RNF17: variants seen among roughly 807,000 people sequenced by gnomAD.
RNF17 encodes ring finger protein 17.
In RNF17, 31 loss-of-function variants were observed where a neutral mutation model predicts 200.5. The observed-to-expected ratio is 0.15, with a 90% CI of 0.12 to 0.21. The LOEUF (loss-of-function observed/expected upper bound fraction) is 0.21. Among genes scored for constraint, RNF17 ranks in the 10% least tolerant of loss-of-function variants. RNF17 has a pLI of 1.00. For missense variants in RNF17, 1,628 were observed against 1,905.1 expected (o/e 0.85, Z 2.71); for synonymous variants, 606 against 637.8 (o/e 0.95, Z 0.75).
At chr13:24,853,257 CTT>C (rs1892134560) in intron 24 of RNF17, among the ~76,000 whole-genome samples, 1 of 152,156 alleles carries the variant, frequency 6.6e-6, no homozygotes, top group Non-Finnish European at 1.5e-5. Flanking sequence ...GAAAAAGAAA[CTT>C]GCTATAATTC....
the RNF17 span, chr13:24,885,338 C>G: frequency 1.9e-6 from 3 of 1,613,972 alleles, no homozygotes; most frequent in East Asian, 6.7e-5. Context: ...TCTTTATATT[C>G]AGGATCTGGG....
intron 11 of RNF17, among the ~76,000 whole-genome samples, chr13:24,797,702 A>T (rs867019280): frequency 4.4e-5 from 1 of 22,762 alleles, no homozygotes; most frequent in African/African-American, 1.5e-4. Context: ...GAGAGAGACA[A>T]AGAGTGTGTG....
intron 22 of RNF17, among the ~76,000 whole-genome samples, chr13:24,845,430 C>G (rs559956706): frequency 6.6e-6 from 1 of 152,274 alleles, no homozygotes; most frequent in South Asian, 2.1e-4. Flanking sequence ...AATGACAGAA[C>G]AGTTTTAGTC....
intron 28 of RNF17, 113 bp from the exon 29 acceptor site, chr13:24,864,760 A>G: frequency 1.3e-6 from 1 of 757,950 alleles, no homozygotes; most frequent in Non-Finnish European, 2.1e-6. Flanking sequence ...TCACTAGCCA[A>G]ACTGTCTAGT....
chr13:24,754,173 A>T, the RNF17 span, among the ~76,000 whole-genome samples: 77 of 152,018 alleles, frequency 5.1e-4, no homozygotes, highest in Non-Finnish European at 8.8e-4. Context: ...AAATTAAAAA[A>T]AAAATAAAAT....
rs1891052735 is a variant in RNF17, at chr13:24,844,701, G to A, written c.2881G>A (p.Val961Ile). 6.2e-7 allele frequency: 1 copy of A among 1,611,706 alleles called. No individual in the cohort carries two copies. Among genetic ancestry groups the A allele is most frequent in the South Asian group, 1.1e-5 (1 of 90,896 alleles). ...AAYENSKWEP[V>I]KWENDMHCAV... is the part of the protein sequence containing the mutation. ...TTATGAAAACTCAAAATGGGAACCT[G>A]TTAAATGGGAAAATGATATGCACTG... Residue 961 changes from valine to isoleucine, a missense_variant, in exon 21 of 36, where the codon GTT (valine) becomes ATT (isoleucine). Transcript: ENST00000255324.
chr13:24,807,189 G>A (rs1006057460), intron 15 of RNF17, among the ~76,000 whole-genome samples: 1 of 151,864 alleles, frequency 6.6e-6, no homozygotes, highest in South Asian at 2.1e-4. Flanking sequence ...GGGTCAAATG[G>A]TATTTCTAGT....
rs1387937401 is a variant in RNF17, at chr13:24,799,720, T to C, written c.1589+136T>C. ...AACTTCCAAGACATACGTTTTATTA[T>C]TTTGCTCTACTGTTGTCTTGATAAG... is the stretch of plus-strand genomic sequence containing the variant. On this transcript the variant is annotated intron_variant, in intron 12 of 35. Coordinates refer to ENST00000255324, the MANE Select transcript of RNF17 (RefSeq NM_031277.3). 25 of 608,324 alleles carry C rather than the reference T, an allele frequency of 4.1e-5. No homozygotes were observed. The South Asian group carries it at 5.3e-4, about 13-fold the overall frequency. The allele number at this position is 608,324 out of a possible 1,614,324, so 37.7% of individuals were successfully genotyped here.
At chr13:24,830,252 A>G (rs1282734452) in intron 16 of RNF17, among the ~76,000 whole-genome samples, 1 of 152,086 alleles carries the variant, frequency 6.6e-6, no homozygotes, top group East Asian at 1.9e-4. Flanking sequence ...TGTTATCCTG[A>G]TTTTGGCTAT....
At position 24,858,575 on chromosome 13, in the gene RNF17, G is replaced by GATATATATATATATAT. The variant is rs397770900; in HGVS notation, c.3611-423_3611-408dup. Among the ~76,000 whole-genome samples, 1,139 of 143,152 alleles carry GATATATATATATATAT rather than the reference G, an allele frequency of 8.0e-3. 42 individuals carry two copies. The highest frequency in any genetic ancestry group is 0.058 in the Admixed American group (792 of 13,724). 93.9% of individuals were successfully genotyped at this position (143,152 alleles called of 152,430 possible). A position where few individuals can be genotyped will look rare whatever the true frequency, so the allele number is the denominator to read the frequency against. On this transcript the variant is annotated intron_variant, in intron 25 of 35. Coordinates refer to ENST00000255324, the MANE Select transcript of RNF17 (RefSeq NM_031277.3). ...CTTACCTTCTATGGTATCAGTTATG[G>GATATATATATATATAT]ATATATATATATATATATGTTTACT... is the stretch of plus-strand genomic sequence containing the variant.
At chr13:24,886,751 A>C in the RNF17 span, among the ~76,000 whole-genome samples, 1 of 152,226 alleles carries the variant, frequency 6.6e-6, no homozygotes, top group Non-Finnish European at 1.5e-5. Context: ...TAGAGAAAAG[A>C]CTAGAATATT....
intron 32 of RNF17, among the ~76,000 whole-genome samples, chr13:24,873,108 G>A (rs547130598): frequency 2.0e-5 from 3 of 152,170 alleles, no homozygotes; most frequent in African/African-American, 7.2e-5. Context: ...CATAGCAAAT[G>A]AAAGGACAGA....
At chr13:24,849,788 T>G (rs1454790765) in intron 22 of RNF17, among the ~76,000 whole-genome samples, 1 of 152,216 alleles carries the variant, frequency 6.6e-6, no homozygotes, top group Non-Finnish European at 1.5e-5. Context: ...TAATTAAAAT[T>G]TCTGGTATTT....
chr13:24,874,355 C>T, intron 33 of RNF17, 106 bp downstream of exon 33: 1 of 910,412 alleles, frequency 1.1e-6, no homozygotes, highest in South Asian at 2.2e-5. Flanking sequence ...TATTCTAAGG[C>T]TGTTTATAAA....
intron 2 of RNF17, among the ~76,000 whole-genome samples, chr13:24,771,734 C>T (rs1345611132): frequency 6.7e-6 from 1 of 150,284 alleles, no homozygotes; most frequent in African/African-American, 2.5e-5. Flanking sequence ...TATATGTTGG[C>T]TGAGCTCACG....
At chr13:24,817,228 A>G (rs748026670) in intron 15 of RNF17, among the ~76,000 whole-genome samples, 3 of 152,132 alleles carry the variant, frequency 2.0e-5, no homozygotes, top group Non-Finnish European at 4.4e-5. Flanking sequence ...TTCAGCAGTG[A>G]ATCTATCTGG....
intron 15 of RNF17, among the ~76,000 whole-genome samples, chr13:24,807,541 A>G (rs1886043401): frequency 1.3e-5 from 2 of 152,116 alleles, no homozygotes; most frequent in South Asian, 4.1e-4. Context: ...GTTTTTGGAT[A>G]CTAGCCCTTT....
intron 15 of RNF17, among the ~76,000 whole-genome samples, chr13:24,812,979 G>A (rs1044726871): frequency 6.6e-6 from 1 of 151,848 alleles, no homozygotes; most frequent in Non-Finnish European, 1.5e-5. Context: ...ACCGCGCCCG[G>A]CCAATAGCAT....
chr13:24,763,496 C>A (rs1382480503), upstream of RNF17, among the ~76,000 whole-genome samples: 1 of 151,320 alleles, frequency 6.6e-6, no homozygotes, highest in Non-Finnish European at 1.5e-5. Flanking sequence ...GCATTACAGG[C>A]GTGAGCCACC....
Sources: allele counts gnomAD v4.1 joint callset (sites outside exome capture counted in the v4.1 genomes callset), GRCh38; gene constraint gnomAD v4.1.1; transcripts MANE v1.5; gene names NCBI Gene and HGNC (gene_info 2026-07-23, HGNC 2026-07-21).